The following AKT3 variants were observed in gnomAD, a reference collection of about 807,000 sequenced individuals.
AKT3 encodes the protein AKT serine/threonine kinase 3.
In AKT3, 15 loss-of-function variants were observed where a neutral mutation model predicts 65.3. The ratio of observed to expected loss-of-function variants is 0.23; its 90% confidence interval spans 0.15 to 0.35. The LOEUF (loss-of-function observed/expected upper bound fraction) is 0.35, where lower values mean the gene tolerates loss of function less well. Among genes scored for constraint, AKT3 ranks in the 10% least tolerant of loss-of-function variants. AKT3 has a pLI of 1.00. For synonymous variants in AKT3, 206 were observed against 183.8 expected, an observed-to-expected ratio of 1.12 and a Z score of -0.98; for missense variants, 243 against 576.5, an observed-to-expected ratio of 0.42 and a Z score of 5.92.
At chr1:243,781,287 T>C (rs549931226) in intron 2 of AKT3, among the ~76,000 whole-genome samples, 32 of 152,336 alleles carry the variant, frequency 2.1e-4, no homozygotes, top group African/African-American at 7.7e-4. Context: ...AATGCATTTG[T>C]CCATTCATCT....
At chr1:243,514,410 T>G (rs749625918) in intron 12 of AKT3, among the ~76,000 whole-genome samples, 2 of 152,220 alleles carry the variant, frequency 1.3e-5, no homozygotes, top group African/African-American at 4.8e-5. Context: ...AAATGCCACG[T>G]GTACTGAGGA....
intron 2 of AKT3, among the ~76,000 whole-genome samples, chr1:243,756,871 A>G (rs1402218479): frequency 6.6e-6 from 1 of 152,224 alleles, no homozygotes; most frequent in Non-Finnish European, 1.5e-5. Context: ...AATGGAATAA[A>G]CCAAAATTGA....
chr1:243,625,873 T>C (rs970929174), intron 6 of AKT3, among the ~76,000 whole-genome samples: 1 of 152,140 alleles, frequency 6.6e-6, no homozygotes, highest in Non-Finnish European at 1.5e-5. Context: ...AAACACACAA[T>C]AGATTGTTCC....
chr1:243,789,693 C>A (rs1268036767), intron 2 of AKT3, among the ~76,000 whole-genome samples: 1 of 152,196 alleles, frequency 6.6e-6, no homozygotes, highest in African/African-American at 2.4e-5. Context: ...AAGTTTTTCA[C>A]TGACTTTGCT....
At chr1:243,496,758 C>A (rs535143950), downstream of AKT3, among the ~76,000 whole-genome samples, 6 of 152,322 alleles carry the variant, frequency 3.9e-5, no homozygotes, top group African/African-American at 1.4e-4. Flanking sequence ...TTCAGGTCAC[C>A]CAGAGCAACT....
chr1:243,621,226 G>A (rs545255462), intron 6 of AKT3, among the ~76,000 whole-genome samples: 1 of 152,218 alleles, frequency 6.6e-6, no homozygotes, highest in South Asian at 2.1e-4. Context: ...TCATTTATTT[G>A]TCTCTCTTTA....
At chr1:243,646,488 G>A (rs376993630) in intron 4 of AKT3, among the ~76,000 whole-genome samples, 27 of 152,036 alleles carry the variant, frequency 1.8e-4, no homozygotes, top group Middle Eastern at 3.4e-3. Flanking sequence ...CTGAGTAGCC[G>A]GGATTACAGG....
chr1:243,742,574 G>A (rs1035130571), intron 2 of AKT3, among the ~76,000 whole-genome samples: 6 of 152,262 alleles, frequency 3.9e-5, no homozygotes, highest in East Asian at 1.9e-4. Flanking sequence ...GCAGTGAGTC[G>A]AGACGGCACC....
intron 12 of AKT3, among the ~76,000 whole-genome samples, chr1:243,520,923 G>C (rs1670680556): frequency 6.6e-6 from 1 of 152,174 alleles, no homozygotes; most frequent in Non-Finnish European, 1.5e-5. Flanking sequence ...AAAGAACAAA[G>C]AGATAATTTT....
At chr1:243,584,254 C>T (rs1675630999) in intron 8 of AKT3, among the ~76,000 whole-genome samples, 1 of 152,016 alleles carries the variant, frequency 6.6e-6, no homozygotes, top group Non-Finnish European at 1.5e-5. Context: ...TTTACCAAGA[C>T]TGAATGAGGA....
chr1:243,636,603 T>C (rs1423838541), intron 6 of AKT3, among the ~76,000 whole-genome samples: 2 of 152,124 alleles, frequency 1.3e-5, no homozygotes, highest in Non-Finnish European at 2.9e-5. Flanking sequence ...CACTGCAAGA[T>C]ATTGAGCACA....
At chr1:243,670,355 A>G (rs903635636) in intron 3 of AKT3, among the ~76,000 whole-genome samples, 1 of 152,218 alleles carries the variant, frequency 6.6e-6, no homozygotes, top group African/African-American at 2.4e-5. Context: ...CAAAAAAGTT[A>G]AAACTCTAAA....
intron 5 of AKT3, among the ~76,000 whole-genome samples, chr1:243,638,061 TTAG>T (rs1261191995): frequency 6.6e-6 from 1 of 152,082 alleles, no homozygotes; most frequent in Admixed American, 6.6e-5. Flanking sequence ...TTTCAAGGAT[TTAG>T]TAGTGCTGCT....
chr1:243,736,897 A>G (rs959495083), intron 2 of AKT3, among the ~76,000 whole-genome samples: 1 of 152,170 alleles, frequency 6.6e-6, no homozygotes, highest in Non-Finnish European at 1.5e-5. Context: ...TCATAGACAC[A>G]AGTATTTGCT....
intron 2 of AKT3, among the ~76,000 whole-genome samples, chr1:243,703,567 C>A (rs1685600148): frequency 6.6e-6 from 1 of 151,964 alleles, no homozygotes; most frequent in Admixed American, 6.6e-5. Flanking sequence ...CAGAGACCAG[C>A]CTGGCCAACA....
chr1:243,573,524 A>G (rs150524606), intron 8 of AKT3, among the ~76,000 whole-genome samples: 65 of 152,344 alleles, frequency 4.3e-4, no homozygotes, highest in African/African-American at 1.5e-3. Flanking sequence ...TTGATTAATC[A>G]TGATATCTCT....
chr1:243,844,797 C>T (rs1278050378), intron 1 of AKT3, among the ~76,000 whole-genome samples: 2 of 152,086 alleles, frequency 1.3e-5, no homozygotes, highest in African/African-American at 2.4e-5. Context: ...AAGATGTATG[C>T]GGGAAAGTCC....
chr1:243,510,158 G>A (rs886602584), intron 13 of AKT3, among the ~76,000 whole-genome samples: 2 of 152,196 alleles, frequency 1.3e-5, no homozygotes, highest in Non-Finnish European at 1.5e-5. Flanking sequence ...AAAGAGACCT[G>A]TCAAGACCTT....
intron 3 of AKT3, among the ~76,000 whole-genome samples, chr1:243,681,450 C>G (rs1230447769): frequency 6.6e-6 from 1 of 152,216 alleles, no homozygotes. Flanking sequence ...AATTCTGAGT[C>G]CCAGTATGGT....
Sources: allele counts gnomAD v4.1 joint callset (sites outside exome capture counted in the v4.1 genomes callset), GRCh38; gene constraint gnomAD v4.1.1; transcripts MANE v1.5; gene names NCBI Gene and HGNC (gene_info 2026-07-23, HGNC 2026-07-21).